Variants in SPATA6L observed in about 807,000 individuals in gnomAD.
SPATA6L encodes the protein spermatogenesis associated 6 like, also known as spermatogenesis associated 6-like protein.
A neutral mutation model predicts 49.2 loss-of-function variants in SPATA6L; 68 were observed. That is an observed-to-expected ratio of 1.38 (90% CI 1.14 to 1.69). The LOEUF (loss-of-function observed/expected upper bound fraction) is 1.69, where lower values mean the gene tolerates loss of function less well. Among genes scored for constraint, SPATA6L ranks in the 40% most tolerant of loss-of-function variants. SPATA6L has a pLI of 0.00. For synonymous variants in SPATA6L, 198 were observed against 165.7 expected, an observed-to-expected ratio of 1.19 and a Z score of -1.50; for missense variants, 668 against 464.3, an observed-to-expected ratio of 1.44 and a Z score of -4.03.
rs1012223972 is a variant in SPATA6L at position 4,662,383 on chromosome 9, G to C, written c.40-347C>G. The C allele has an allele frequency of 4.6e-6, 7 of 1,519,812 alleles. No individual in the cohort carries two copies. The highest frequency in any genetic ancestry group is 4.1e-5 in the African/African-American group (3 of 72,356). The allele number at this position is 1,519,812 out of a possible 1,614,324, so 94.1% of individuals were successfully genotyped here. A position where few individuals can be genotyped will look rare whatever the true frequency, so the allele number is the denominator to read the frequency against. On this transcript the variant is annotated intron_variant, in intron 1 of 11. Transcript: ENST00000682582. This position sits in a 1 kb window ranked among gnomAD's most constrained non-coding sequence, Gnocchi z 4.9. The stretch of plus-strand genomic sequence containing the variant: ...TCCGGGCCGCCAGCTGCGATGCCAA[G>C]TCCCCGGAGGAGCATGGAGGGACGG...
intron 3 of SPATA6L, among the ~76,000 whole-genome samples, chr9:4,649,812 C>T (rs893775246): frequency 2.0e-5 from 3 of 152,200 alleles, no homozygotes; most frequent in Non-Finnish European, 4.4e-5. Flanking sequence ...TGCTTCATTA[C>T]ACCTCCCAGG....
chr9:4,620,662 A>C (rs1829077681), intron 7 of SPATA6L, among the ~76,000 whole-genome samples: 1 of 152,160 alleles, frequency 6.6e-6, no homozygotes, highest in Non-Finnish European at 1.5e-5. Context: ...GTCTTCTCTA[A>C]ATGTAGGTAT....
At chr9:4,638,929 C>A (rs556133851) in intron 3 of SPATA6L, among the ~76,000 whole-genome samples, 4 of 152,112 alleles carry the variant, frequency 2.6e-5, no homozygotes, top group African/African-American at 9.6e-5. Context: ...GGACTACAGA[C>A]GCGCACCACA....
At chr9:4,605,020 T>G (rs1331582896) in intron 10 of SPATA6L, among the ~76,000 whole-genome samples, 2 of 152,184 alleles carry the variant, frequency 1.3e-5, no homozygotes, top group East Asian at 1.9e-4. Flanking sequence ...GGGAAAGGAA[T>G]GCTCTGTGGG....
intron 5 of SPATA6L, chr9:4,628,226 C>T (rs1425537302): frequency 5.7e-6 from 1 of 175,876 alleles, no homozygotes; most frequent in Non-Finnish European, 1.2e-5. Flanking sequence ...AATAATTTAA[C>T]TGTAAATTTT....
intron 3 of SPATA6L, among the ~76,000 whole-genome samples, chr9:4,655,466 C>T (rs1837916671): frequency 6.6e-6 from 1 of 151,996 alleles, no homozygotes; most frequent in African/African-American, 2.4e-5. Flanking sequence ...TAATGAAACA[C>T]ATAAAAACAA....
chr9:4,605,649 T>C (rs1824613362), intron 9 of SPATA6L, among the ~76,000 whole-genome samples: 1 of 152,270 alleles, frequency 6.6e-6, no homozygotes, highest in Non-Finnish European at 1.5e-5. Flanking sequence ...ATGTTAAGAA[T>C]TTTTTGTGTT....
intron 11 of SPATA6L, among the ~76,000 whole-genome samples, chr9:4,601,434 A>C (rs1823242625): frequency 6.6e-6 from 1 of 151,376 alleles, no homozygotes; most frequent in South Asian, 2.1e-4. Flanking sequence ...AATTTTAAAT[A>C]TACAAGGGAT....
At chr9:4,645,050 C>CA in intron 3 of SPATA6L, among the ~76,000 whole-genome samples, 1 of 152,144 alleles carries the variant, frequency 6.6e-6, no homozygotes, top group East Asian at 1.9e-4. Flanking sequence ...TGGCTATGTT[C>CA]AAAAAAGACC....
At chr9:4,623,106 C>T (rs1829705611) in intron 6 of SPATA6L, among the ~76,000 whole-genome samples, 1 of 152,042 alleles carries the variant, frequency 6.6e-6, no homozygotes, top group African/African-American at 2.4e-5. Flanking sequence ...ATGGAGAAAC[C>T]CCGTCTCTAC....
At chr9:4,614,974 G>A (rs895350760) in intron 9 of SPATA6L, among the ~76,000 whole-genome samples, 4 of 152,102 alleles carry the variant, frequency 2.6e-5, no homozygotes, top group African/African-American at 9.7e-5. Flanking sequence ...CAAAGCCCAA[G>A]CTCCTTAGGT....
intron 11 of SPATA6L, among the ~76,000 whole-genome samples, chr9:4,602,552 G>A (rs527647291): frequency 1.3e-5 from 2 of 152,158 alleles, no homozygotes; most frequent in Non-Finnish European, 2.9e-5. Flanking sequence ...AACTTAGCAG[G>A]TCATCCCACA....
intron 13 of SPATA6L, among the ~76,000 whole-genome samples, chr9:4,589,744 T>A (rs1476678480): frequency 6.6e-6 from 1 of 152,108 alleles, no homozygotes; most frequent in Non-Finnish European, 1.5e-5. Flanking sequence ...AGTCAGCCTA[T>A]AAATCTTGTG....
downstream of SPATA6L, among the ~76,000 whole-genome samples, chr9:4,597,413 C>G (rs1484541603): frequency 1.3e-5 from 2 of 151,786 alleles, no homozygotes; most frequent in African/African-American, 4.9e-5. Context: ...ATGGATCACT[C>G]TAAAAGACGC....
Position 4,625,371 on chromosome 9 carries a change from A to G in SPATA6L, c.625T>C (p.Phe209Leu), listed in dbSNP as rs1178768418. 5 of 1,614,068 alleles carry G rather than the reference A, an allele frequency of 3.1e-6. No homozygotes were observed. Among genetic ancestry groups the G allele is most frequent in the Non-Finnish European group, 4.2e-6 (5 of 1,180,000 alleles). ...GGCTTGCTTCCTCCAGAGATTTTGAAATTATTTCCAAGGTTCAACTGAGCT... is the reference window on the plus strand; with the variant it reads ...GGCTTGCTTCCTCCAGAGATTTTGAGATTATTTCCAAGGTTCAACTGAGCT... The part of the protein sequence containing the change: ...QPAQLNLGNN[F>L]KISGGSKPPF... Residue 209 changes from phenylalanine to leucine, a missense_variant, in exon 6 of 12, where the codon TTC becomes CTC. By Grantham distance (22) the Phe-to-Leu change is conservative. Transcript: ENST00000682582.
intron 3 of SPATA6L, among the ~76,000 whole-genome samples, chr9:4,640,229 C>A (rs898049599): frequency 1.3e-5 from 2 of 152,292 alleles, no homozygotes; most frequent in Non-Finnish European, 2.9e-5. Context: ...ACGCTGCCCC[C>A]CTGTGTCCAT....
intron 2 of SPATA6L, among the ~76,000 whole-genome samples, chr9:4,660,761 G>C (rs1839464234): frequency 6.6e-6 from 1 of 152,212 alleles, no homozygotes; most frequent in Non-Finnish European, 1.5e-5. Flanking sequence ...ATTCACAATA[G>C]CAAAGACTTG....
intron 3 of SPATA6L, among the ~76,000 whole-genome samples, chr9:4,653,543 A>C (rs1837390141): frequency 2.0e-5 from 3 of 152,246 alleles, no homozygotes. Flanking sequence ...ATTTCAAAAA[A>C]ATACCATCAA....
intron 5 of SPATA6L, chr9:4,627,626 A>T: frequency 1.5e-6 from 1 of 673,178 alleles, no homozygotes; most frequent in Non-Finnish European, 2.1e-6. Context: ...AGTGGCAACA[A>T]CATTATATGC....
Sources: gnomAD v4.1 joint callset for allele counts (sites outside exome capture counted in the v4.1 genomes callset) on GRCh38, gnomAD v4.1.1 for gene constraint, Gnocchi (gnomAD v3.1) non-coding constraint, MANE v1.5 for transcripts, NCBI Gene and HGNC (gene_info 2026-07-23, HGNC 2026-07-21) for gene names.